JMY: variants seen among roughly 807,000 people sequenced by gnomAD.
JMY encodes junction mediating and regulatory protein, p53 cofactor, also known as junction-mediating and -regulatory protein.
A neutral mutation model predicts 103.3 loss-of-function variants in JMY; 46 were observed. That is an observed-to-expected ratio of 0.45 (90% CI 0.35 to 0.57). The LOEUF (loss-of-function observed/expected upper bound fraction) is 0.57. Ranked by LOEUF, JMY falls within the 20% of genes least tolerant of loss-of-function variation. The pLI, the probability that JMY is intolerant of heterozygous loss-of-function variation, is 0.00. For synonymous variants in JMY, 526 were observed against 489.3 expected (o/e 1.07, Z -0.99); for missense variants, 1,238 against 1,255.2 (o/e 0.99, Z 0.21).
chr5:79,253,242 C>G (rs1365980627), intron 1 of JMY, among the ~76,000 whole-genome samples: 1 of 151,758 alleles, frequency 6.6e-6, no homozygotes, highest in Non-Finnish European at 1.5e-5. Context: ...GTTGTTGTTT[C>G]TATATATCTT....
At chr5:79,321,235 T>C (rs79003556) in intron 10 of JMY, among the ~76,000 whole-genome samples, 3,181 of 152,290 alleles carry the variant, frequency 0.021, 133 homozygotes, top group African/African-American at 0.072. Flanking sequence ...CATTTAAAGA[T>C]TGGTATTAAT....
intron 2 of JMY, among the ~76,000 whole-genome samples, chr5:79,286,678 T>C (rs1434048068): frequency 2.6e-5 from 4 of 152,170 alleles, no homozygotes; most frequent in African/African-American, 9.7e-5. Flanking sequence ...TTTTACACTT[T>C]TCTTTCGATA....
At position 79,300,765 on chromosome 5, in the gene JMY, C is replaced by G; in HGVS notation, c.1783C>G (p.Gln595Glu). The G allele has an allele frequency of 6.2e-7, 1 of 1,612,428 alleles. No homozygotes were observed. Among genetic ancestry groups the G allele is most frequent in the Non-Finnish European group, 8.5e-7 (1 of 1,179,384 alleles). ...AGAGATGGCAGCATCTGCGTACTTA[C>G]AGAGAGAAGAGCTGCAGAAACTTCA... ...KEEMAASAYLQREELQKLQQK... is the reference protein window; with the variant it reads ...KEEMAASAYLEREELQKLQQK... Residue 595 changes from glutamine (Q) to glutamate (E), a missense_variant, in exon 6 of 11, where the codon CAG becomes GAG. Gln to Glu is a conservative substitution (Grantham distance 29). Transcript: ENST00000396137.
In JMY at chr5:79,237,063, G is replaced by A. The variant is rs750028683; in HGVS notation, c.413G>A (p.Ser138Asn). Reference sequence around the variant, plus strand: ...AGTCCTGGCAGCAAAGGGGCGGAGAGTCGTCTTAGGAGCCCAGTGCGGGCC... The same window carrying A: ...AGTCCTGGCAGCAAAGGGGCGGAGAATCGTCTTAGGAGCCCAGTGCGGGCC... ...LRSPGSKGAESRLRSPVRAKP... is the reference protein window; with the variant it reads ...LRSPGSKGAENRLRSPVRAKP... Residue 138 changes from serine (S) to asparagine (N), a missense_variant, in exon 1 of 11, where the codon AGT becomes AAT. Coordinates refer to ENST00000396137, the MANE Select transcript of JMY (RefSeq NM_152405.5). 5 of 1,531,998 alleles carry A rather than the reference G, an allele frequency of 3.3e-6. No individual in the cohort carries two copies. The highest frequency in any genetic ancestry group is 2.5e-5 in the East Asian group (1 of 40,434). The allele number at this position is 1,531,998 out of a possible 1,614,324, so 94.9% of individuals were successfully genotyped here. A position where few individuals can be genotyped will look rare whatever the true frequency, so the allele number is the denominator to read the frequency against.
At chr5:79,237,851 G>GGTC in intron 1 of JMY, among the ~76,000 whole-genome samples, 169 bp downstream of exon 1, 1 of 151,952 alleles carries the variant, frequency 6.6e-6, no homozygotes, top group African/African-American at 2.4e-5. Flanking sequence ...CCCTCTCGGT[G>GGTC]GCTGCTTAAT....
At chr5:79,291,820 C>T (rs1032254509) in intron 4 of JMY, among the ~76,000 whole-genome samples, 5 of 152,102 alleles carry the variant, frequency 3.3e-5, no homozygotes, top group African/African-American at 1.2e-4. Context: ...ATATTCATAC[C>T]CATTTTGTGG....
intron 4 of JMY, among the ~76,000 whole-genome samples, chr5:79,291,986 G>A (rs1214321130): frequency 1.3e-5 from 2 of 152,026 alleles, no homozygotes; most frequent in South Asian, 4.2e-4. Flanking sequence ...ACAGCAAGAT[G>A]GTTCTCATTG....
In JMY at chr5:79,326,514, G is replaced by T. The variant is rs1333707417; in HGVS notation, c.*4912G>T. 6.8e-6 allele frequency: 1 copy of T among 147,154 alleles called. No homozygotes were observed. The highest frequency in any genetic ancestry group is 1.5e-5 in the Non-Finnish European group (1 of 67,976). The allele number at this position is 147,154 out of a possible 1,614,324, so 9.1% of individuals were successfully genotyped here. A position where few individuals can be genotyped will look rare whatever the true frequency, so the allele number is the denominator to read the frequency against. On this transcript the variant is annotated 3_prime_UTR_variant, in exon 11 of 11. Transcript: ENST00000396137. ...AGGGGTAAATGATGCTACCCATACAGTGACTTCTGAGTTCTTTAACTTTGA... is the reference window on the plus strand; with the variant it reads ...AGGGGTAAATGATGCTACCCATACATTGACTTCTGAGTTCTTTAACTTTGA...
At chr5:79,306,182 T>C (rs764667603) in intron 6 of JMY, among the ~76,000 whole-genome samples, 193 bp from the exon 7 acceptor site, 5 of 152,200 alleles carry the variant, frequency 3.3e-5, no homozygotes, top group Non-Finnish European at 7.3e-5. Context: ...AATAGTTTCA[T>C]AGAGGAGTCT....
intron 1 of JMY, among the ~76,000 whole-genome samples, chr5:79,239,436 A>G (rs1744664149): frequency 6.6e-6 from 1 of 152,150 alleles, no homozygotes; most frequent in African/African-American, 2.4e-5. Context: ...TTACAGATAT[A>G]TTTTTTAAAA....
At chr5:79,253,699 A>G (rs1395009381) in intron 1 of JMY, among the ~76,000 whole-genome samples, 1 of 152,010 alleles carries the variant, frequency 6.6e-6, no homozygotes, top group East Asian at 1.9e-4. Context: ...TTGTACTTTC[A>G]GATGATTTTT....
At chr5:79,307,636 T>G (rs1248776147) in intron 7 of JMY, among the ~76,000 whole-genome samples, 1 of 152,134 alleles carries the variant, frequency 6.6e-6, no homozygotes, top group Non-Finnish European at 1.5e-5. Context: ...AAATCTTTAA[T>G]GCAGATATAT....
rs1211621854 is a variant in JMY, at chr5:79,324,735, A to ACAAT, written c.*3136_*3139dup. ...TACTGAGTTTGTGAGCAGCATAAAAACAATCATTCCTTAATTCTTCATTGT... is the reference window on the plus strand; with the variant it reads ...TACTGAGTTTGTGAGCAGCATAAAAACAATCAATCATTCCTTAATTCTTCATTGT... On this transcript the variant is annotated 3_prime_UTR_variant, in exon 11 of 11. Transcript: ENST00000396137. The ACAAT allele has an allele frequency of 3.9e-5, 6 of 152,422 alleles. No individual in the cohort carries two copies. Among genetic ancestry groups the ACAAT allele is most frequent in the South Asian group, 2.1e-4 (1 of 4,828 alleles). 9.4% of individuals were successfully genotyped at this position (152,422 alleles called of 1,614,324 possible).
intron 1 of JMY, among the ~76,000 whole-genome samples, chr5:79,243,498 A>G (rs1378592287): frequency 6.6e-6 from 1 of 152,164 alleles, no homozygotes; most frequent in Non-Finnish European, 1.5e-5. Flanking sequence ...GCAGTTCTTG[A>G]CTGCATTGAC....
At chr5:79,262,531 C>CT (rs1745456406) in intron 1 of JMY, among the ~76,000 whole-genome samples, 1 of 152,162 alleles carries the variant, frequency 6.6e-6, no homozygotes, top group Non-Finnish European at 1.5e-5. Flanking sequence ...AAGTCTAATG[C>CT]TTAGTAAATT....
chr5:79,250,650 CTTT>C (rs200738584), intron 1 of JMY, among the ~76,000 whole-genome samples: 8 of 122,734 alleles, frequency 6.5e-5, no homozygotes, highest in Non-Finnish European at 8.7e-5. Flanking sequence ...AATTATTTTT[CTTT>C]TTTTTTTTTT....
chr5:79,318,790 AGAGAGAGAGAGAGG>A (rs1230077075), intron 10 of JMY, among the ~76,000 whole-genome samples: 2,135 of 25,106 alleles, frequency 0.085, 35 homozygotes, highest in African/African-American at 0.25. Flanking sequence ...AGAGAGAGAG[AGAGAGAGAGAGAGG>A]GATGCATATC....
chr5:79,295,632 G>T (rs1029050555), intron 4 of JMY, among the ~76,000 whole-genome samples: 2 of 152,114 alleles, frequency 1.3e-5, no homozygotes, highest in African/African-American at 4.8e-5. Flanking sequence ...CAACATTTCA[G>T]GGTTCACAAA....
chr5:79,319,317 A>G (rs79294289), intron 10 of JMY, among the ~76,000 whole-genome samples: 3,182 of 152,254 alleles, frequency 0.021, 133 homozygotes, highest in African/African-American at 0.072. Flanking sequence ...ATGTGGTACA[A>G]TGTTGAGAGA....
Sources: allele counts gnomAD v4.1 joint callset (sites outside exome capture counted in the v4.1 genomes callset), GRCh38; gene constraint gnomAD v4.1.1; transcripts MANE v1.5; gene names NCBI Gene and HGNC (gene_info 2026-07-23, HGNC 2026-07-21).